Variants in NCMAP observed in about 807,000 individuals in gnomAD.
The protein encoded by NCMAP is noncompact myelin-associated protein.
NCMAP carries 8 observed loss-of-function variants against 7.8 expected under a neutral mutation model. The observed-to-expected ratio is 1.02, with a 90% CI of 0.60 to 1.84. The LOEUF (loss-of-function observed/expected upper bound fraction) is 1.84, where lower values mean the gene tolerates loss of function less well. Among genes scored for constraint, NCMAP ranks in the 40% most tolerant of loss-of-function variants. The pLI, the probability that NCMAP is intolerant of heterozygous loss-of-function variation, is 0.00. For synonymous variants in NCMAP, 41 were observed against 52.9 expected (o/e 0.78, Z 0.98); for missense variants, 112 against 131.4 (o/e 0.85, Z 0.72).
At chr1:24,585,779 C>A (rs1167424285) in intron 1 of NCMAP, among the ~76,000 whole-genome samples, 1 of 152,164 alleles carries the variant, frequency 6.6e-6, no homozygotes, top group African/African-American at 2.4e-5. Context: ...GGGGAGATTT[C>A]ACTATTTCTT....
chr1:24,579,493 G>A (rs1455870328), intron 1 of NCMAP, among the ~76,000 whole-genome samples: 1 of 152,076 alleles, frequency 6.6e-6, no homozygotes, highest in Non-Finnish European at 1.5e-5. Flanking sequence ...CTAGCAATTT[G>A]GGAGGCTGAG....
chr1:24,562,284 C>T (rs1474754476), intron 1 of NCMAP, among the ~76,000 whole-genome samples: 2 of 152,176 alleles, frequency 1.3e-5, no homozygotes, highest in South Asian at 2.1e-4. Flanking sequence ...AGGCATTCTA[C>T]GAATCACTTT....
chr1:24,595,838 T>G (rs1652207877), intron 2 of NCMAP, among the ~76,000 whole-genome samples: 1 of 147,084 alleles, frequency 6.8e-6, no homozygotes, highest in African/African-American at 2.5e-5. Flanking sequence ...ATGTCTTTAC[T>G]GCTCTGTACC....
chr1:24,606,219 T>A lies in NCMAP; in HGVS notation c.*472T>A, dbSNP rs58043472. The A allele has an allele frequency of 0.054, 8,318 of 153,994 alleles. 774 individuals are homozygous for A. The highest frequency in any genetic ancestry group is 0.19 in the African/African-American group (7,875 of 41,580). The allele number at this position is 153,994 out of a possible 1,614,324, so 9.5% of individuals were successfully genotyped here. A position where few individuals can be genotyped will look rare whatever the true frequency, so the allele number is the denominator to read the frequency against. On this transcript the variant is annotated 3_prime_UTR_variant, in exon 4 of 4. Transcript: ENST00000374392. ...CACAGGGGAACTAACTTGGACTAAC[T>A]AACCAGAAAACCTTGTTAACGTATA... is the stretch of plus-strand genomic sequence containing the variant.
intron 1 of NCMAP, among the ~76,000 whole-genome samples, chr1:24,591,645 TGGGAGACAGGAAGCCCAGGCA>T (rs1218811135): frequency 3.9e-5 from 6 of 152,084 alleles, no homozygotes; most frequent in Non-Finnish European, 8.8e-5. Flanking sequence ...TTTCAGGTGT[TGGGAGACAGGAAGCCCAGGCA>T]GGGAGACAGA....
chr1:24,559,596 C>G (rs1322901852), intron 1 of NCMAP, among the ~76,000 whole-genome samples: 1 of 152,188 alleles, frequency 6.6e-6, no homozygotes, highest in African/African-American at 2.4e-5. Flanking sequence ...GTGCCAACCT[C>G]TAAGACAGAG....
intron 1 of NCMAP, among the ~76,000 whole-genome samples, chr1:24,567,204 A>G (rs2148926417): frequency 6.6e-6 from 1 of 152,242 alleles, no homozygotes; most frequent in Non-Finnish European, 1.5e-5. Flanking sequence ...AGTGCCTTCT[A>G]AACAGCAGGC....
At chr1:24,566,205 C>T (rs1651224130) in intron 1 of NCMAP, among the ~76,000 whole-genome samples, 1 of 152,168 alleles carries the variant, frequency 6.6e-6, no homozygotes, top group African/African-American at 2.4e-5. Context: ...TGGTCTCTAA[C>T]TCCTGGGCTC....
chr1:24,556,199 C>T (rs868511563), intron 1 of NCMAP, 30 bp downstream of exon 1: 1 of 152,484 alleles, frequency 6.6e-6, no homozygotes, highest in Non-Finnish European at 1.5e-5. Context: ...CGGGGTTGCC[C>T]GGGGCTGCGG....
chr1:24,587,581 T>C (rs1210051565), intron 1 of NCMAP, among the ~76,000 whole-genome samples: 1 of 152,122 alleles, frequency 6.6e-6, no homozygotes, highest in African/African-American at 2.4e-5. Context: ...TGGCATGATC[T>C]TGGCTCACTG....
intron 3 of NCMAP, among the ~76,000 whole-genome samples, chr1:24,603,272 T>C (rs1375289533): frequency 6.6e-6 from 1 of 152,162 alleles, no homozygotes; most frequent in Admixed American, 6.5e-5. Context: ...TGTTCAGCCC[T>C]AATTAGCACA....
At chr1:24,602,125 C>A (rs995369491) in intron 3 of NCMAP, among the ~76,000 whole-genome samples, 1 of 151,636 alleles carries the variant, frequency 6.6e-6, no homozygotes, top group Non-Finnish European at 1.5e-5. Flanking sequence ...TCAAAGTTTA[C>A]AAAACTATAT....
chr1:24,564,355 C>T (rs1238290480), intron 1 of NCMAP, among the ~76,000 whole-genome samples: 1 of 151,390 alleles, frequency 6.6e-6, no homozygotes, highest in East Asian at 1.9e-4. Flanking sequence ...ACTAAAAATA[C>T]AAAAATTAGC....
intron 3 of NCMAP, among the ~76,000 whole-genome samples, 189 bp from the exon 4 acceptor site, chr1:24,605,417 T>C (rs1013040902): frequency 2.0e-5 from 3 of 152,154 alleles, no homozygotes; most frequent in Non-Finnish European, 4.4e-5. Flanking sequence ...AGTGAAAAAA[T>C]TGAAGGGCAG....
intron 1 of NCMAP, among the ~76,000 whole-genome samples, chr1:24,582,873 G>T (rs1651782865): frequency 6.6e-6 from 1 of 152,202 alleles, no homozygotes; most frequent in Admixed American, 6.5e-5. Flanking sequence ...TAACTTCTCT[G>T]AGCCTCAGCT....
chr1:24,579,197 G>T (rs66761719), intron 1 of NCMAP, among the ~76,000 whole-genome samples: 5,462 of 109,018 alleles, frequency 0.05, 296 homozygotes, highest in African/African-American at 0.16. Flanking sequence ...TAGGGTGGGG[G>T]TTTTTTTTTT....
At chr1:24,577,927 T>G (rs1034251128) in intron 1 of NCMAP, among the ~76,000 whole-genome samples, 10 of 152,108 alleles carry the variant, frequency 6.6e-5, no homozygotes, top group African/African-American at 2.4e-4. Context: ...CTGCTGCTGT[T>G]GCGCATTTTG....
At chr1:24,600,486 A>G (rs1228306026) in intron 2 of NCMAP, among the ~76,000 whole-genome samples, 1 of 152,200 alleles carries the variant, frequency 6.6e-6, no homozygotes, top group Non-Finnish European at 1.5e-5. Flanking sequence ...ACACGATCAC[A>G]TTGGTGAATG....
At chr1:24,570,446 G>T (rs1651356022) in intron 1 of NCMAP, among the ~76,000 whole-genome samples, 1 of 150,682 alleles carries the variant, frequency 6.6e-6, no homozygotes, top group South Asian at 2.1e-4. Context: ...AGTGAGCCGT[G>T]ATTGTGCCAC....
Sources: allele counts gnomAD v4.1 joint callset (sites outside exome capture counted in the v4.1 genomes callset), GRCh38; gene constraint gnomAD v4.1.1; transcripts MANE v1.5; gene names NCBI Gene and HGNC (gene_info 2026-07-23, HGNC 2026-07-21).